The following DGKD variants were observed in gnomAD, a reference collection of about 807,000 sequenced individuals.
The protein encoded by DGKD is diacylglycerol kinase delta, also known as DAG kinase delta.
A neutral mutation model predicts 154.4 loss-of-function variants in DGKD; 68 were observed. That is an observed-to-expected ratio of 0.44 (90% CI 0.36 to 0.54). The LOEUF (loss-of-function observed/expected upper bound fraction) is 0.54, where lower values mean the gene tolerates loss of function less well. Among genes scored for constraint, DGKD ranks in the 20% least tolerant of loss-of-function variants. The pLI is 0.00. For missense variants in DGKD, 1,343 were observed against 1,593.6 expected (o/e 0.84, Z 2.68); for synonymous variants, 693 against 638.0 (o/e 1.09, Z -1.30).
In DGKD at chr2:233,434,376, C is replaced by A; in HGVS notation, c.349-4C>A. ...GGATCTGTTGAACCTGTTTCTTTCT[C>A]TAGGTCATAACTCCATGCAGGAAGC... On this transcript the variant is annotated splice_region_variant and splice_polypyrimidine_tract_variant and intron_variant, in intron 3 of 29. Transcript: ENST00000264057. 1 of 1,612,754 alleles carries A rather than the reference C, an allele frequency of 6.2e-7. No individual in the cohort carries two copies. The highest frequency in any genetic ancestry group is 8.5e-7 in the Non-Finnish European group (1 of 1,178,990).
At chr2:233,375,768 GAGACCGTTGAATTAATC>G (rs943126133) in intron 1 of DGKD, among the ~76,000 whole-genome samples, 44 of 152,212 alleles carry the variant, frequency 2.9e-4, no homozygotes, top group African/African-American at 9.4e-4. Context: ...CACGGAAGTA[GAGACCGTTGAATTAATC>G]ACATCAGCCT....
Position 233,444,556 on chromosome 2 carries a change from C to CTG in DGKD, c.1195-1064_1195-1063dup, listed in dbSNP as rs1428061656. ...CTGCCTGGAGCACCATCCATGCCTG[C>CTG]TGTGCGCTGCTCTCCTTTTCCTTTA... On this transcript the variant is annotated intron_variant, in intron 10 of 29. Transcript: ENST00000264057. Among the ~76,000 whole-genome samples the CTG allele has an allele frequency of 2.6e-5, 4 of 151,208 alleles. No homozygotes were observed. The East Asian group carries it at 7.9e-4, about 30-fold the overall frequency.
rs1209018943 is a variant in DGKD, at chr2:233,375,985, A to G, written c.157-12272A>G. 7.9e-5 allele frequency among the ~76,000 whole-genome samples: 12 copies of G among 152,184 alleles called. No individual in the cohort carries two copies. The East Asian group carries it at 2.3e-3, about 29-fold the overall frequency. On this transcript the variant is annotated intron_variant, in intron 1 of 29. Transcript: ENST00000264057. ...AGCCACACTCAGCACTCAAGTGTTC[A>G]ATAAACATTTATTGAAACAGAGTGA...
rs59389614 is a variant in DGKD, at chr2:233,358,859, A to T, written c.156+4185A>T. Among the ~76,000 whole-genome samples the T allele has an allele frequency of 1.0e-3, 153 of 152,300 alleles. 1 individual carries two copies. Among genetic ancestry groups the T allele is most frequent in the African/African-American group, 3.4e-3 (140 of 41,556 alleles). ...TATTCTGGATAATGCTGCTGTGAAC[A>T]TTCATGCACATGTTTTTGTGTGGAC... On this transcript the variant is annotated intron_variant, in intron 1 of 29. Transcript: ENST00000264057.
rs189376283 is a variant in DGKD at position 233,398,627 on chromosome 2, C to T, written c.348+8144C>T. On this transcript the variant is annotated intron_variant, in intron 3 of 29. Coordinates refer to ENST00000264057, the MANE Select transcript of DGKD (RefSeq NM_152879.3). Reference sequence around the variant, plus strand: ...TTTTAGTTGTTGTCTTCAAGTCCTACGCTTGTTTGCTTTTTTTGAGACAGT... The same window carrying T: ...TTTTAGTTGTTGTCTTCAAGTCCTATGCTTGTTTGCTTTTTTTGAGACAGT... Among the ~76,000 whole-genome samples the T allele has an allele frequency of 1.7e-3, 256 of 151,882 alleles. 1 individual carries two copies. The highest frequency in any genetic ancestry group is 5.6e-3 in the African/African-American group (230 of 41,422).
chr2:233,390,365 C>G (rs747164417), intron 2 of DGKD, 38 bp from the exon 3 acceptor site: 3 of 1,565,530 alleles, frequency 1.9e-6, no homozygotes, highest in Non-Finnish European at 2.6e-6. Flanking sequence ...ATGTACCTGT[C>G]TTTATGTGCC....
At chr2:233,406,938 C>T (rs2061700944) in intron 3 of DGKD, among the ~76,000 whole-genome samples, 2 of 152,186 alleles carry the variant, frequency 1.3e-5, no homozygotes, top group African/African-American at 4.8e-5. Flanking sequence ...TTATGACTTC[C>T]TTTTCCCCAA....
chr2:233,453,592 C>T (rs1001305806), intron 18 of DGKD, among the ~76,000 whole-genome samples: 5 of 152,236 alleles, frequency 3.3e-5, no homozygotes, highest in African/African-American at 1.2e-4. Context: ...AATTCTGGCC[C>T]GAGCAATGTT....
At position 233,457,222 on chromosome 2, in the gene DGKD, G is replaced by A; in HGVS notation, c.2474G>A (p.Cys825Tyr). The change falls in exon 21 of 30, where the codon TGT becomes TAT. Residue 825 changes from cysteine to tyrosine, a missense_variant and splice_region_variant. Cys to Tyr is a radical substitution (Grantham distance 194, BLOSUM62 -2). This residue lies in a region of DGKD where 60 missense variants were observed against 112.4 expected (regional missense o/e 0.53). Transcript: ENST00000264057. This position sits in a 1 kb window ranked among gnomAD's most constrained non-coding sequence, Gnocchi z 5.5. ...TTGTTCTGTGTCTCTGCTGCTCAGT[G>A]TGACGGGCGACCCATCCCACTCCCC... Reference protein sequence around the residue: ...KNLEQKVLLECDGRPIPLPSL... With the variant: ...KNLEQKVLLEYDGRPIPLPSL... 2 of 1,518,018 alleles carry A rather than the reference G, an allele frequency of 1.3e-6. No homozygotes were observed. Among genetic ancestry groups the A allele is most frequent in the Non-Finnish European group, 1.8e-6 (2 of 1,133,318 alleles). 94.0% of individuals were successfully genotyped at this position (1,518,018 alleles called of 1,614,324 possible). A position where few individuals can be genotyped will look rare whatever the true frequency, so the allele number is the denominator to read the frequency against.
At chr2:233,464,576 G>A (rs2063770227) in intron 27 of DGKD, among the ~76,000 whole-genome samples, 1 of 152,178 alleles carries the variant, frequency 6.6e-6, no homozygotes, top group South Asian at 2.1e-4. Context: ...GGAAGGCTGA[G>A]CCCAGCCCCA....
At chr2:233,388,078 C>G (rs1410634910) in intron 1 of DGKD, 179 bp from the exon 2 acceptor site, 1 of 1,392,838 alleles carries the variant, frequency 7.2e-7, no homozygotes, top group African/African-American at 1.5e-5. Flanking sequence ...TTGGTGCAAC[C>G]CCCCATGCCC....
At position 233,433,738 on chromosome 2, in the gene DGKD, T is replaced by A. The variant is rs558386057; in HGVS notation, c.349-642T>A. Among the ~76,000 whole-genome samples, 8 of 152,314 alleles carry A rather than the reference T, an allele frequency of 5.3e-5. No homozygotes were observed. In the South Asian group the frequency reaches 1.5e-3, roughly 28 times the overall value. The stretch of plus-strand genomic sequence containing the variant: ...CCACAAAAAAAATTAAAAAGAACGT[T>A]GATGTATTTCTTTTGTGAAATGCAA... On this transcript the variant is annotated intron_variant, in intron 3 of 29. Coordinates refer to ENST00000264057, the MANE Select transcript of DGKD (RefSeq NM_152879.3).
chr2:233,413,740 G>A (rs940083165), intron 3 of DGKD, among the ~76,000 whole-genome samples: 1 of 152,262 alleles, frequency 6.6e-6, no homozygotes, highest in Non-Finnish European at 1.5e-5. Context: ...AGGCTGGCAG[G>A]CTGTGGCTGC....
chr2:233,400,127 T>C (rs1172764489), intron 3 of DGKD, among the ~76,000 whole-genome samples: 2 of 152,182 alleles, frequency 1.3e-5, no homozygotes, highest in African/African-American at 4.8e-5. Context: ...GTTCTAGAAA[T>C]GTCCCCTTTG....
intron 3 of DGKD, among the ~76,000 whole-genome samples, chr2:233,401,523 A>G (rs1033058235): frequency 2.6e-5 from 4 of 152,174 alleles, no homozygotes; most frequent in South Asian, 2.1e-4. Flanking sequence ...GGTCATGGCA[A>G]CTGTAGCTGA....
chr2:233,450,407 C>G (rs2063237434), intron 16 of DGKD, among the ~76,000 whole-genome samples: 1 of 152,136 alleles, frequency 6.6e-6, no homozygotes, highest in Admixed American at 6.5e-5. Flanking sequence ...TGCGTCCTGC[C>G]CTCACTGCTT....
intron 7 of DGKD, 144 bp downstream of exon 7, chr2:233,436,585 G>T: frequency 8.2e-7 from 1 of 1,212,530 alleles, no homozygotes; most frequent in Non-Finnish European, 1.1e-6. Context: ...TTTTTGAACT[G>T]TTGGGTCATT....
rs375913920 is a variant in DGKD at position 233,451,995 on chromosome 2, C to T, written c.2199C>T (p.Pro733=). The T allele has an allele frequency of 4.6e-5, 74 of 1,614,052 alleles. No individual in the cohort carries two copies. In the African/African-American group the frequency reaches 5.3e-4, roughly 12 times the overall value. Residue 733 remains proline, a synonymous_variant, in exon 18 of 30, where the codon CCC becomes CCT. Coordinates refer to ENST00000264057, the MANE Select transcript of DGKD (RefSeq NM_152879.3). ...NVRAGMSGSL[P]GGSVISRLLI... ...GGGCTGGAATGTCTGGTTCCTTACC[C>T]GGTGGCTCAGTCATCAGTCGCCTGT...
rs557277468 is a variant in DGKD at position 233,457,899 on chromosome 2, C to T, written c.2581-385C>T. ...TTGATAGGTTTAAACCTGGTTTAAA[C>T]CTTCCTTTGTACGTAATAGCGAATA... On this transcript the variant is annotated intron_variant, in intron 21 of 29. Coordinates refer to ENST00000264057, the MANE Select transcript of DGKD (RefSeq NM_152879.3). This position sits in a 1 kb window ranked among gnomAD's most constrained non-coding sequence, Gnocchi z 5.5. The T allele has an allele frequency of 1.9e-5, 6 of 318,884 alleles. No homozygotes were observed. Among genetic ancestry groups the T allele is most frequent in the African/African-American group, 1.3e-4 (6 of 46,960 alleles). 19.8% of individuals were successfully genotyped at this position (318,884 alleles called of 1,614,324 possible).
Sources: allele counts gnomAD v4.1 joint callset (sites outside exome capture counted in the v4.1 genomes callset), GRCh38; gene constraint gnomAD v4.1.1; regional missense constraint gnomAD v4.1.1; non-coding constraint Gnocchi (gnomAD v3.1); transcripts MANE v1.5; gene names NCBI Gene and HGNC (gene_info 2026-07-23, HGNC 2026-07-21).